Variants in ANXA8 observed in about 807,000 individuals in gnomAD.
ANXA8 encodes the protein VAC-beta.
ANXA8 carries 9 observed loss-of-function variants against 26.8 expected under a neutral mutation model. The observed-to-expected ratio is 0.34, with a 90% CI of 0.20 to 0.59. The LOEUF (loss-of-function observed/expected upper bound fraction) is 0.59, where lower values mean the gene tolerates loss of function less well. Ranked by LOEUF, ANXA8 falls within the 20% of genes least tolerant of loss-of-function variation. The pLI, the probability that ANXA8 is intolerant of heterozygous loss-of-function variation, is 0.84. For missense variants in ANXA8, 83 were observed against 238.5 expected (o/e 0.35, Z 4.29); for synonymous variants, 39 against 94.8 (o/e 0.41, Z 3.42).
At chr10:47,731,049 C>G in the ANXA8 span, among the ~76,000 whole-genome samples, 1 of 150,228 alleles carries the variant, frequency 6.7e-6, no homozygotes, top group East Asian at 2.0e-4. Context: ...AATGTATTTA[C>G]CAGCAAACAT....
the ANXA8 span, among the ~76,000 whole-genome samples, chr10:47,521,181 C>T: frequency 7.9e-6 from 1 of 127,036 alleles, no homozygotes; most frequent in East Asian, 3.3e-4. Flanking sequence ...GTGAGACATA[C>T]ATAAACTGTG....
the ANXA8 span, among the ~76,000 whole-genome samples, chr10:47,747,211 A>C: frequency 2.0e-4 from 30 of 151,972 alleles, no homozygotes; most frequent in African/African-American, 6.3e-4. Flanking sequence ...AAGGCAGCAG[A>C]GTCTTCAGCT....
At chr10:47,743,437 T>G in the ANXA8 span, among the ~76,000 whole-genome samples, 2 of 112,508 alleles carry the variant, frequency 1.8e-5, no homozygotes, top group African/African-American at 3.3e-5. Flanking sequence ...AGAAGTTGCA[T>G]GGTTAGGTGG....
At chr10:47,957,944 G>A in the ANXA8 span, among the ~76,000 whole-genome samples, 1 of 150,462 alleles carries the variant, frequency 6.6e-6, no homozygotes, top group Non-Finnish European at 1.5e-5. Context: ...AATTAAAAAT[G>A]GCAAAGTCAG....
the ANXA8 span, among the ~76,000 whole-genome samples, chr10:47,654,387 T>G: frequency 2.0e-5 from 3 of 146,364 alleles, no homozygotes; most frequent in Admixed American, 2.0e-4. Flanking sequence ...AACACGTTAA[T>G]CCTGGGATGG....
chr10:47,988,870 A>C, the ANXA8 span, among the ~76,000 whole-genome samples: 2 of 151,694 alleles, frequency 1.3e-5, no homozygotes, highest in Non-Finnish European at 2.9e-5. Flanking sequence ...AAAGCCTGCT[A>C]TCTACTAGGC....
the ANXA8 span, among the ~76,000 whole-genome samples, chr10:47,563,114 C>G: frequency 3.5e-5 from 3 of 84,666 alleles, no homozygotes; most frequent in South Asian, 1.0e-3. Context: ...ACTTGTGGTC[C>G]CAGCTACTCA....
the ANXA8 span, among the ~76,000 whole-genome samples, chr10:47,567,728 T>TTA: frequency 4.8e-5 from 7 of 145,048 alleles, no homozygotes; most frequent in East Asian, 2.1e-4. Flanking sequence ...TTATTATGTT[T>TTA]TATATATATA....
the ANXA8 span, among the ~76,000 whole-genome samples, chr10:47,535,685 C>T: frequency 2.1e-4 from 23 of 110,790 alleles, no homozygotes; most frequent in African/African-American, 9.6e-4. Flanking sequence ...TGTTTTCATA[C>T]TAGTCTAGAA....
the ANXA8 span, chr10:47,762,793 T>G: frequency 7.8e-7 from 1 of 1,283,464 alleles, no homozygotes; most frequent in African/African-American, 1.6e-5. Context: ...AGCCGCGCAG[T>G]GCACGGCAGG....
chr10:47,521,530 T>C, the ANXA8 span, among the ~76,000 whole-genome samples: 1 of 140,964 alleles, frequency 7.1e-6, no homozygotes, highest in African/African-American at 2.6e-5. Flanking sequence ...ACATTTCCTC[T>C]AGAGTAATGA....
chr10:47,518,578 AT>A, the ANXA8 span, among the ~76,000 whole-genome samples: 5 of 116,458 alleles, frequency 4.3e-5, no homozygotes, highest in South Asian at 1.1e-3. Flanking sequence ...TGCCTAGCTA[AT>A]TTTTTTTTGT....
chr10:47,488,501 G>C (rs1396189520), upstream of ANXA8, among the ~76,000 whole-genome samples: 2 of 151,032 alleles, frequency 1.3e-5, 1 homozygote, highest in Non-Finnish European at 2.9e-5. Flanking sequence ...GTGAGCCACT[G>C]CACCTGGCCT....
At chr10:47,691,698 G>A in the ANXA8 span, among the ~76,000 whole-genome samples, 1 of 150,142 alleles carries the variant, frequency 6.7e-6, no homozygotes, top group Non-Finnish European at 1.5e-5. Context: ...GGTTGAGGCT[G>A]CAGTGAGCTT....
chr10:47,553,220 T>C, the ANXA8 span: 1 of 152,092 alleles, frequency 6.6e-6, no homozygotes, highest in Non-Finnish European at 1.5e-5. Context: ...CTAAGTCGCC[T>C]GCCGGGACCA....
At chr10:47,887,833 C>A in the ANXA8 span, among the ~76,000 whole-genome samples, 3 of 24,504 alleles carry the variant, frequency 1.2e-4, no homozygotes, top group East Asian at 6.7e-4. Flanking sequence ...ATTTTCTAAA[C>A]TTTTTTTTTT....
chr10:47,548,313 T>C, the ANXA8 span, among the ~76,000 whole-genome samples: 7 of 147,666 alleles, frequency 4.7e-5, no homozygotes, highest in African/African-American at 7.3e-5. Context: ...ATTTTTTTTT[T>C]TTTTTGAGAC....
At chr10:47,951,223 T>G in the ANXA8 span, among the ~76,000 whole-genome samples, 1 of 150,388 alleles carries the variant, frequency 6.6e-6, no homozygotes, top group Admixed American at 6.6e-5. Flanking sequence ...AAAGAAAAAT[T>G]ACTAAAGCCC....
At chr10:47,753,109 A>G in the ANXA8 span, 12 of 979,712 alleles carry the variant, frequency 1.2e-5, no homozygotes, top group Non-Finnish European at 1.2e-5. Context: ...ACTCTGTCTC[A>G]AAAAATTAAA....
Sources: allele counts gnomAD v4.1 joint callset (sites outside exome capture counted in the v4.1 genomes callset), GRCh38; gene constraint gnomAD v4.1.1; transcripts MANE v1.5; gene names NCBI Gene and HGNC (gene_info 2026-07-23, HGNC 2026-07-21).